ADGRV1: variants seen among roughly 807,000 people sequenced by gnomAD.
ADGRV1 encodes the protein adhesion G protein-coupled receptor V1.
A neutral mutation model predicts 596.2 loss-of-function variants in ADGRV1; 359 were observed. The ratio of observed to expected loss-of-function variants is 0.60; its 90% CI spans 0.55 to 0.66. The LOEUF is 0.66. Among genes scored for constraint, ADGRV1 ranks in the 30% least tolerant of loss-of-function variants. The probability of loss-of-function intolerance (pLI) is 0.00; values close to 1 mark genes in which losing one functional copy is unlikely to be tolerated. For synonymous variants in ADGRV1, 2,681 were observed against 2,679.2 expected (o/e 1.00, Z -0.02); for missense variants, 7,274 against 7,575.6 (o/e 0.96, Z 1.48).
rs558966891 is a variant in ADGRV1 at position 90,810,392 on chromosome 5, C to T, written c.15132C>T (p.Thr5044=). 6.2e-7 allele frequency: 1 copy of T among 1,613,758 alleles called. No homozygotes were observed. Among genetic ancestry groups the T allele is most frequent in the Non-Finnish European group, 8.5e-7 (1 of 1,179,810 alleles). Residue 5044 remains threonine (T), a synonymous_variant, in exon 74 of 90, where the codon ACC becomes ACT. Transcript: ENST00000405460. ...HSDLIKVSYQ[T]TAGSAKPLED... ...ATCTTATTAAAGTTTCTTATCAGAC[C>T]ACTGCAGGAAGCGCCAAGCCACTGG...
intron 70 of ADGRV1, among the ~76,000 whole-genome samples, chr5:90,796,457 C>G (rs909041681): frequency 1.3e-5 from 2 of 152,034 alleles, no homozygotes; most frequent in Admixed American, 6.5e-5. Context: ...TGAACAAAGC[C>G]TCCAAGAAAT....
intron 89 of ADGRV1, among the ~76,000 whole-genome samples, chr5:91,160,272 T>A (rs1408890042): frequency 6.6e-6 from 1 of 152,202 alleles, no homozygotes; most frequent in Non-Finnish European, 1.5e-5. Flanking sequence ...CCACAATGAC[T>A]TATTTAACTT....
rs545450090 is a variant in ADGRV1, at chr5:90,864,355, A to G, written c.17856+498A>G. 3.4e-4 allele frequency among the ~76,000 whole-genome samples: 52 copies of G among 152,342 alleles called. 2 individuals are homozygous for G. The South Asian group carries it at 0.011, about 32-fold the overall frequency. ...GTGTGAAAAACAATGACTTATTAGC[A>G]CACAATTTAAAGTATCTAGTTTAAA... On this transcript the variant is annotated intron_variant, in intron 83 of 89. Transcript: ENST00000405460.
At position 90,774,187 on chromosome 5, in the gene ADGRV1, C is replaced by T. The variant is rs200332182; in HGVS notation, c.12287C>T (p.Thr4096Ile). The T allele has an allele frequency of 1.3e-6, 2 of 1,581,304 alleles. No homozygotes were observed. The highest frequency in any genetic ancestry group is 2.7e-5 in the African/African-American group (2 of 74,354). The change falls in exon 60 of 90, where the codon ACT becomes ATT. Residue 4096 changes from threonine (T) to isoleucine (I), a missense_variant and splice_region_variant. Coordinates refer to ENST00000405460, the MANE Select transcript of ADGRV1 (RefSeq NM_032119.4). ...PLNGTLHFDE[T>I]ESQKTIVLHT... ...CACTGTTTCTGTCATTGGATGTAGA[C>T]TGAGTCCCAGAAGACCATTGTGTTG...
chr5:90,642,816 A>G, intron 12 of ADGRV1, 40 bp from the exon 13 acceptor site: 1 of 1,600,880 alleles, frequency 6.2e-7, no homozygotes, highest in Non-Finnish European at 8.5e-7. Flanking sequence ...TAGAAGAATG[A>G]TCTCAAAGGG....
intron 89 of ADGRV1, among the ~76,000 whole-genome samples, chr5:91,160,432 A>C (rs952990163): frequency 1.3e-5 from 2 of 152,222 alleles, no homozygotes; most frequent in African/African-American, 4.8e-5. Flanking sequence ...TGGGCCACTC[A>C]GCTAGCACCT....
chr5:91,029,324 T>C (rs1784295316), intron 85 of ADGRV1, among the ~76,000 whole-genome samples: 2 of 152,342 alleles, frequency 1.3e-5, no homozygotes, highest in Non-Finnish European at 2.9e-5. Context: ...GTTGACTCAC[T>C]TAAACTATTA....
chr5:90,669,996 A>G (rs991887048), intron 21 of ADGRV1, among the ~76,000 whole-genome samples: 1 of 152,216 alleles, frequency 6.6e-6, no homozygotes, highest in African/African-American at 2.4e-5. Context: ...CCATTTGTAT[A>G]ATTATATATT....
chr5:90,790,902 C>T lies in ADGRV1; in HGVS notation c.14073C>T (p.Asp4691=), dbSNP rs371396857. 1.8e-5 allele frequency: 29 copies of T among 1,610,522 alleles called. No homozygotes were observed. Among genetic ancestry groups the T allele is most frequent in the Non-Finnish European group, 2.4e-5 (28 of 1,179,038 alleles). ...MVYWELSSEF[D]ITEDFLSTSG... is the part of the protein sequence containing the mutation. ...ACTGGGAATTAAGTAGTGAGTTTGA[C>T]ATTACTGAAGACTTTCTTTCCACCA... The change falls in exon 70 of 90, where the codon GAC becomes GAT. Residue 4691 remains aspartate (D), a synonymous_variant. Coordinates refer to ENST00000405460, the MANE Select transcript of ADGRV1 (RefSeq NM_032119.4).
At chr5:91,134,489 C>T (rs1048769162) in intron 87 of ADGRV1, among the ~76,000 whole-genome samples, 16 of 152,324 alleles carry the variant, frequency 1.1e-4, no homozygotes, top group African/African-American at 3.8e-4. Flanking sequence ...CCACTGCGCC[C>T]AACTGCCTAC....
At position 90,711,165 on chromosome 5, in the gene ADGRV1, T is replaced by G. The variant is rs757227287; in HGVS notation, c.8904-19T>G. 2.1e-5 allele frequency: 34 copies of G among 1,589,594 alleles called. No homozygotes were observed. Among genetic ancestry groups the G allele is most frequent in the African/African-American group, 4.1e-5 (3 of 73,268 alleles). ...AATTAATTTTTTTTGTTTGTTTTTGTTTTTTTGCTATATTATAGGTTTGAA... is the reference window on the plus strand; with the variant it reads ...AATTAATTTTTTTTGTTTGTTTTTGGTTTTTTGCTATATTATAGGTTTGAA... On this transcript the variant is annotated intron_variant, in intron 40 of 89. Coordinates refer to ENST00000405460, the MANE Select transcript of ADGRV1 (RefSeq NM_032119.4).
chr5:90,804,837 A>G (rs1761751040), intron 71 of ADGRV1: 1 of 152,420 alleles, frequency 6.6e-6, no homozygotes, highest in South Asian at 2.1e-4. Context: ...ATATAAAATT[A>G]AGTCAGAGCT....
intron 59 of ADGRV1, among the ~76,000 whole-genome samples, chr5:90,765,027 T>C (rs2150023405): frequency 6.6e-6 from 1 of 152,202 alleles, no homozygotes; most frequent in South Asian, 2.1e-4. Context: ...CCACCTACTT[T>C]CCATGGGGCT....
chr5:90,904,628 A>G (rs1421650089), intron 83 of ADGRV1, among the ~76,000 whole-genome samples: 1 of 151,342 alleles, frequency 6.6e-6, no homozygotes, highest in Non-Finnish European at 1.5e-5. Flanking sequence ...TGAGCTCCTT[A>G]TATGTTCTGG....
intron 1 of ADGRV1, among the ~76,000 whole-genome samples, chr5:90,563,684 G>T (rs73771300): frequency 1.2e-3 from 187 of 152,316 alleles, no homozygotes; most frequent in African/African-American, 4.4e-3. Context: ...ATTCCTTTAT[G>T]CCAGAAAGAA....
intron 70 of ADGRV1, among the ~76,000 whole-genome samples, chr5:90,801,696 A>G (rs1761392756): frequency 6.6e-6 from 1 of 152,158 alleles, no homozygotes; most frequent in Non-Finnish European, 1.5e-5. Flanking sequence ...TTAAAAGAAG[A>G]AGAGACTTTA....
At chr5:90,701,231 A>G (rs10514332) in intron 34 of ADGRV1, among the ~76,000 whole-genome samples, 1 of 152,062 alleles carries the variant, frequency 6.6e-6, no homozygotes, top group East Asian at 1.9e-4. Flanking sequence ...TCATCTAAAA[A>G]TAACATACTC....
chr5:90,889,897 C>T (rs1205593304), intron 83 of ADGRV1, among the ~76,000 whole-genome samples: 3 of 152,074 alleles, frequency 2.0e-5, no homozygotes, highest in Non-Finnish European at 2.9e-5. Flanking sequence ...GAGTTTCTTT[C>T]TTGCACATAA....
chr5:90,988,006 A>G (rs1297377299), intron 85 of ADGRV1, among the ~76,000 whole-genome samples: 2 of 152,096 alleles, frequency 1.3e-5, no homozygotes, highest in Non-Finnish European at 2.9e-5. Context: ...GACTCTCAGC[A>G]TCTTTCCTCA....
Sources: gnomAD v4.1 joint callset for allele counts (sites outside exome capture counted in the v4.1 genomes callset) on GRCh38, gnomAD v4.1.1 for gene constraint, MANE v1.5 for transcripts, NCBI Gene and HGNC (gene_info 2026-07-23, HGNC 2026-07-21) for gene names.